Variants in SPATA45 observed in about 807,000 individuals in gnomAD.
The protein encoded by SPATA45 is spermatogenesis associated 45.
In SPATA45, 5 loss-of-function variants were observed where a neutral mutation model predicts 7.0. The observed-to-expected ratio is 0.71, with a 90% CI of 0.37 to 1.50. The LOEUF is 1.50. Ranked by LOEUF, SPATA45 falls within the 40% of genes most tolerant of loss-of-function variation. SPATA45 has a pLI of 0.03. For missense variants in SPATA45, 111 were observed against 114.9 expected, an observed-to-expected ratio of 0.97 and a Z score of 0.16; for synonymous variants, 40 against 38.7, an observed-to-expected ratio of 1.03 and a Z score of -0.13.
At chr1:212,835,344 A>G (rs1663567925) in intron 2 of SPATA45, among the ~76,000 whole-genome samples, 1 of 150,216 alleles carries the variant, frequency 6.7e-6, no homozygotes, top group Non-Finnish European at 1.5e-5. Context: ...ACCAACATGA[A>G]GAAACCCGGT....
At chr1:212,831,173 A>G (rs537213896) in intron 2 of SPATA45, among the ~76,000 whole-genome samples, 1 of 151,052 alleles carries the variant, frequency 6.6e-6, no homozygotes, top group Non-Finnish European at 1.5e-5. Flanking sequence ...AAAAGAAAGA[A>G]AGAAACACCA....
Position 212,839,763 on chromosome 1 carries a change from T to C in SPATA45, c.-38-3576A>G, listed in dbSNP as rs1275145283. Among the ~76,000 whole-genome samples the C allele has an allele frequency of 1.3e-5, 2 of 151,592 alleles. 1 individual carries two copies. The highest frequency in any genetic ancestry group is 3.0e-5 in the Non-Finnish European group (2 of 67,766). ...ATAAACTTTGGGGCTGATGAATATG[T>C]TTATTATCTTAATTGTGGTGATGCT... On this transcript the variant is annotated intron_variant, in intron 1 of 2. Coordinates refer to ENST00000332912, the MANE Select transcript of SPATA45 (RefSeq NM_001024601.3).
At chr1:212,841,182 G>A (rs1663677435) in intron 1 of SPATA45, among the ~76,000 whole-genome samples, 1 of 151,218 alleles carries the variant, frequency 6.6e-6, no homozygotes, top group African/African-American at 2.4e-5. Flanking sequence ...CTTTTGAGAT[G>A]GGGTCTCATT....
At position 212,842,127 on chromosome 1, in the gene SPATA45, C is replaced by G. The variant is rs548156549; in HGVS notation, c.-39+5453G>C. 2.4e-4 allele frequency among the ~76,000 whole-genome samples: 36 copies of G among 151,878 alleles called. No homozygotes were observed. In the South Asian group the frequency reaches 7.1e-3, roughly 30 times the overall value. ...GTGCGGTGGCTCATGCCTGTAATCCCATCACTTTGGGAGGCCGAGGCGGGT... is the reference window on the plus strand; with the variant it reads ...GTGCGGTGGCTCATGCCTGTAATCCGATCACTTTGGGAGGCCGAGGCGGGT... On this transcript the variant is annotated intron_variant, in intron 1 of 2. Coordinates refer to ENST00000332912, the MANE Select transcript of SPATA45 (RefSeq NM_001024601.3).
chr1:212,843,229 G>A (rs1422302329), intron 1 of SPATA45, among the ~76,000 whole-genome samples: 1 of 151,806 alleles, frequency 6.6e-6, no homozygotes, highest in Non-Finnish European at 1.5e-5. Flanking sequence ...GGCAGAGGTT[G>A]CGGTGAGCCA....
chr1:212,843,837 G>A (rs984171944), intron 1 of SPATA45, among the ~76,000 whole-genome samples: 1 of 152,140 alleles, frequency 6.6e-6, no homozygotes, highest in Non-Finnish European at 1.5e-5. Context: ...AGTCTTACAG[G>A]TTAGTTCAGG....
At chr1:212,837,994 C>T (rs1056759323) in intron 1 of SPATA45, among the ~76,000 whole-genome samples, 1 of 151,596 alleles carries the variant, frequency 6.6e-6, no homozygotes, top group African/African-American at 2.4e-5. Context: ...CAAGCAATAA[C>T]ATAAACCAGA....
chr1:212,844,623 G>GC, intron 1 of SPATA45, among the ~76,000 whole-genome samples: 1 of 152,062 alleles, frequency 6.6e-6, no homozygotes, highest in South Asian at 2.1e-4. Flanking sequence ...CTACTGCTCT[G>GC]CCCCCCTCCA....
chr1:212,841,878 C>CTA lies in SPATA45; in HGVS notation c.-38-5693_-38-5692dup, dbSNP rs557697919. On this transcript the variant is annotated intron_variant, in intron 1 of 2. Coordinates refer to ENST00000332912, the MANE Select transcript of SPATA45 (RefSeq NM_001024601.3). ...GTTCAAGAGGTTCTCATGCTTCAGC[C>CTA]TACTGAGTAGCTGGGATTACAGGTG... is the stretch of plus-strand genomic sequence containing the variant. Among the ~76,000 whole-genome samples, 19 of 151,912 alleles carry CTA rather than the reference C, an allele frequency of 1.3e-4. 1 individual carries two copies. The South Asian group carries it at 3.3e-3, about 27-fold the overall frequency.
rs757057894 is a variant in SPATA45 at position 212,830,932 on chromosome 1, G to A, written c.278-671C>T. On this transcript the variant is annotated intron_variant, in intron 2 of 2. Transcript: ENST00000332912. ...CGGGAGGTGGAGGTTGCAGTGAGCCGAGATCGCAACACTGCATTCCAGCCT... is the reference window on the plus strand; with the variant it reads ...CGGGAGGTGGAGGTTGCAGTGAGCCAAGATCGCAACACTGCATTCCAGCCT... 3.3e-5 allele frequency among the ~76,000 whole-genome samples: 5 copies of A among 150,950 alleles called. 1 individual carries two copies. Among genetic ancestry groups the A allele is most frequent in the South Asian group, 2.1e-4 (1 of 4,736 alleles).
At chr1:212,837,437 G>T (rs1331355142) in intron 1 of SPATA45, among the ~76,000 whole-genome samples, 2 of 150,626 alleles carry the variant, frequency 1.3e-5, no homozygotes, top group African/African-American at 2.4e-5. Context: ...TTCAAGACCA[G>T]CCTGGCCAAC....
Position 212,835,351 on chromosome 1 carries a change from C to T in SPATA45, c.277+522G>A, listed in dbSNP as rs753029405. ...CCAGCCTGACCAACATGAAGAAACC[C>T]GGTCTCTACTAAAAATACAAAAAAA... is the stretch of plus-strand genomic sequence containing the variant. On this transcript the variant is annotated intron_variant, in intron 2 of 2. Transcript: ENST00000332912. Among the ~76,000 whole-genome samples, 7 of 151,234 alleles carry T rather than the reference C, an allele frequency of 4.6e-5. 1 individual carries two copies. Among genetic ancestry groups the T allele is most frequent in the South Asian group, 2.1e-4 (1 of 4,742 alleles).
At chr1:212,847,203 A>C (rs1370998495) in intron 1 of SPATA45, among the ~76,000 whole-genome samples, 1 of 152,128 alleles carries the variant, frequency 6.6e-6, no homozygotes, top group African/African-American at 2.4e-5. Flanking sequence ...GGTTTTGAAA[A>C]TATTAAACAT....
At chr1:212,830,564 C>G (rs1417891302) in intron 2 of SPATA45, among the ~76,000 whole-genome samples, 5 of 150,356 alleles carry the variant, frequency 3.3e-5, no homozygotes, top group African/African-American at 7.3e-5. Flanking sequence ...CCCAGCTACT[C>G]AGGAGGCTGA....
chr1:212,835,804 C>T (rs568075332), intron 2 of SPATA45, 69 bp downstream of exon 2: 7 of 1,399,600 alleles, frequency 5.0e-6, no homozygotes, highest in East Asian at 4.6e-5. Context: ...CCACTGCACT[C>T]CAGCCTGGGC....
intron 1 of SPATA45, among the ~76,000 whole-genome samples, chr1:212,843,302 G>C (rs1020838695): frequency 6.6e-6 from 1 of 150,424 alleles, no homozygotes; most frequent in African/African-American, 2.4e-5. Flanking sequence ...AAAAAAAAAA[G>C]AAAAGAAAGA....
Position 212,835,868 on chromosome 1 carries a change from C to A in SPATA45, c.277+5G>T. 6.4e-7 allele frequency: 1 copy of A among 1,570,798 alleles called. No individual in the cohort carries two copies. The highest frequency in any genetic ancestry group is 1.4e-5 in the African/African-American group (1 of 72,588). On this transcript the variant is annotated splice_donor_5th_base_variant and intron_variant, in intron 2 of 2. Transcript: ENST00000332912. ...AAAAAAAAAAATCCTATGATAACTTCTTACTTTTTGGTGGAAAGTGCTTTC... is the reference window on the plus strand; with the variant it reads ...AAAAAAAAAAATCCTATGATAACTTATTACTTTTTGGTGGAAAGTGCTTTC...
chr1:212,844,640 C>A (rs1663757001), intron 1 of SPATA45, among the ~76,000 whole-genome samples: 1 of 152,172 alleles, frequency 6.6e-6, no homozygotes, highest in African/African-American at 2.4e-5. Flanking sequence ...TCCACTATGT[C>A]TCAGTAAGCC....
chr1:212,842,305 G>A (rs1663704480), intron 1 of SPATA45, among the ~76,000 whole-genome samples: 1 of 151,438 alleles, frequency 6.6e-6, no homozygotes, highest in South Asian at 2.1e-4. Context: ...TTGAACCTGG[G>A]AGGCAGAGGT....
Sources: gnomAD v4.1 joint callset for allele counts (sites outside exome capture counted in the v4.1 genomes callset) on GRCh38, gnomAD v4.1.1 for gene constraint, MANE v1.5 for transcripts, NCBI Gene and HGNC (gene_info 2026-07-23, HGNC 2026-07-21) for gene names.